Variants in SNTG2 observed in about 807,000 individuals in gnomAD.
SNTG2 encodes the protein gamma-2-syntrophin.
A neutral mutation model predicts 70.9 loss-of-function variants in SNTG2; 74 were observed. The ratio of observed to expected loss-of-function variants is 1.04; its 90% CI spans 0.86 to 1.27. The LOEUF (loss-of-function observed/expected upper bound fraction) is 1.27, where lower values mean the gene tolerates loss of function less well. Ranked by LOEUF, SNTG2 falls within the 50% of genes most tolerant of loss-of-function variation. The pLI is 0.00. For synonymous variants in SNTG2, 278 were observed against 273.8 expected (o/e 1.02, Z -0.15); for missense variants, 717 against 690.7 (o/e 1.04, Z -0.43).
At chr2:1,029,429 A>C (rs182694403) in intron 1 of SNTG2, among the ~76,000 whole-genome samples, 78 of 152,330 alleles carry the variant, frequency 5.1e-4, no homozygotes, top group African/African-American at 1.9e-3. Context: ...TGCATTATTG[A>C]ATAATAGTAT....
intron 1 of SNTG2, among the ~76,000 whole-genome samples, chr2:971,082 A>G (rs370019386): frequency 1.3e-5 from 2 of 152,216 alleles, no homozygotes; most frequent in African/African-American, 4.8e-5. Context: ...ATCTATGTTC[A>G]TCAAGGAGAT....
chr2:1,308,431 A>C, intron 14 of SNTG2, 63 bp from the exon 15 acceptor site: 1 of 1,416,122 alleles, frequency 7.1e-7, no homozygotes. Context: ...TATGGAGACT[A>C]CCTAATTAAA....
intron 1 of SNTG2, among the ~76,000 whole-genome samples, chr2:1,001,460 T>G (rs1341353405): frequency 6.6e-6 from 1 of 152,038 alleles, no homozygotes; most frequent in African/African-American, 2.4e-5. Context: ...AGTAGCATTT[T>G]TATACAACAA....
intron 14 of SNTG2, among the ~76,000 whole-genome samples, chr2:1,269,716 G>A (rs547300016): frequency 4.2e-4 from 64 of 152,292 alleles, no homozygotes; most frequent in Non-Finnish European, 7.9e-4. Flanking sequence ...CAGAATGAAA[G>A]ATCTAAGATT....
intron 16 of SNTG2, among the ~76,000 whole-genome samples, chr2:1,317,984 G>A (rs554336063): frequency 6.6e-6 from 1 of 152,272 alleles, no homozygotes; most frequent in South Asian, 2.1e-4. Context: ...TTTAAAGGAA[G>A]GGTTTTACAA....
chr2:1,284,746 T>G (rs759083281), intron 14 of SNTG2, among the ~76,000 whole-genome samples: 1 of 152,132 alleles, frequency 6.6e-6, no homozygotes, highest in Non-Finnish European at 1.5e-5. Context: ...TTCTAAATAC[T>G]GGAACCATAT....
chr2:1,190,262 T>C (rs4971368), intron 8 of SNTG2, among the ~76,000 whole-genome samples: 47,794 of 151,648 alleles, frequency 0.32, 8,109 homozygotes, highest in East Asian at 0.65. Context: ...TAATTATTTG[T>C]GTATAACTTG....
At chr2:1,289,534 C>T (rs73177749) in intron 14 of SNTG2, among the ~76,000 whole-genome samples, 2,900 of 152,294 alleles carry the variant, frequency 0.019, 96 homozygotes, top group African/African-American at 0.067. Flanking sequence ...CACTGACATC[C>T]GTGTTTGCTT....
chr2:1,127,115 C>T (rs1667742352), intron 4 of SNTG2, among the ~76,000 whole-genome samples: 2 of 57,372 alleles, frequency 3.5e-5, no homozygotes, highest in South Asian at 2.1e-3. Flanking sequence ...GATCTTTGAT[C>T]TATTTTGAGT....
At chr2:952,468 A>G (rs1306951969) in intron 1 of SNTG2, among the ~76,000 whole-genome samples, 2 of 152,242 alleles carry the variant, frequency 1.3e-5, no homozygotes, top group Non-Finnish European at 2.9e-5. Flanking sequence ...AATAACGTCA[A>G]CAAATAAAGC....
At chr2:1,231,660 G>A (rs1386330304) in intron 9 of SNTG2, among the ~76,000 whole-genome samples, 1 of 152,160 alleles carries the variant, frequency 6.6e-6, no homozygotes. Context: ...CAGCCCAGTG[G>A]TGTGAGCCCA....
At chr2:1,280,550 C>T (rs1189387316) in intron 14 of SNTG2, among the ~76,000 whole-genome samples, 1 of 152,210 alleles carries the variant, frequency 6.6e-6, no homozygotes, top group Non-Finnish European at 1.5e-5. Context: ...GCTTCTCCAG[C>T]TCCTCTCAGG....
chr2:1,072,124 G>C (rs564386707), intron 1 of SNTG2, among the ~76,000 whole-genome samples: 10 of 152,226 alleles, frequency 6.6e-5, no homozygotes, highest in African/African-American at 2.2e-4. Flanking sequence ...CATTGATGAG[G>C]GTGGCTACAC....
Position 1,239,743 on chromosome 2 carries a change from G to A in SNTG2, c.855G>A (p.Lys285=). 1.9e-6 allele frequency: 3 copies of A among 1,613,484 alleles called. No individual in the cohort carries two copies. The highest frequency in any genetic ancestry group is 2.5e-6 in the Non-Finnish European group (3 of 1,179,764). Residue 285 remains lysine, a synonymous_variant, in exon 11 of 17, where the codon AAG becomes AAA. Coordinates refer to ENST00000308624, the MANE Select transcript of SNTG2 (RefSeq NM_018968.4). ...NIRELTLQNM[K]MANKCCSPSD... ...CTTCTGCCTTCTCTCCACAGATGAA[G>A]ATGGCGAACAAATGCTGCTCTCCTT...
chr2:1,231,682 G>A (rs998434599), intron 9 of SNTG2, among the ~76,000 whole-genome samples: 2 of 152,100 alleles, frequency 1.3e-5, no homozygotes, highest in Admixed American at 1.3e-4. Flanking sequence ...TGTCAGATGA[G>A]GGAACCCCAC....
chr2:962,824 T>C (rs1393023134), intron 1 of SNTG2, among the ~76,000 whole-genome samples: 1 of 152,134 alleles, frequency 6.6e-6, no homozygotes, highest in African/African-American at 2.4e-5. Context: ...GGCACATAAA[T>C]TGAAAACAAA....
At chr2:987,454 G>A (rs573375933) in intron 1 of SNTG2, among the ~76,000 whole-genome samples, 2 of 152,062 alleles carry the variant, frequency 1.3e-5, no homozygotes. Context: ...GTGTCACGGG[G>A]GCCTTTACAG....
chr2:1,080,722 G>A (rs1316835056), intron 1 of SNTG2, among the ~76,000 whole-genome samples: 1 of 152,242 alleles, frequency 6.6e-6, no homozygotes, highest in Non-Finnish European at 1.5e-5. Context: ...ATGCATGTGG[G>A]CCATGTGTGT....
At chr2:1,132,493 G>A (rs1293212273) in intron 4 of SNTG2, among the ~76,000 whole-genome samples, 1 of 152,142 alleles carries the variant, frequency 6.6e-6, no homozygotes, top group East Asian at 1.9e-4. Context: ...TCTTGATGTA[G>A]GCAATTTTCC....
Sources: allele counts gnomAD v4.1 joint callset (sites outside exome capture counted in the v4.1 genomes callset), GRCh38; gene constraint gnomAD v4.1.1; transcripts MANE v1.5; gene names NCBI Gene and HGNC (gene_info 2026-07-23, HGNC 2026-07-21).